The following MYRIP variants were observed in gnomAD, a reference collection of about 807,000 sequenced individuals.
The protein encoded by MYRIP is rab effector MyRIP.
In MYRIP, 49 loss-of-function variants were observed where a neutral mutation model predicts 98.0. The ratio of observed to expected loss-of-function variants is 0.50; its 90% confidence interval spans 0.40 to 0.63. The LOEUF (loss-of-function observed/expected upper bound fraction) is 0.63. Ranked by LOEUF, MYRIP falls within the 30% of genes least tolerant of loss-of-function variation. The probability of loss-of-function intolerance (pLI) is 0.00; values close to 1 mark genes in which losing one functional copy is unlikely to be tolerated. For synonymous variants in MYRIP, 404 were observed against 409.5 expected (o/e 0.99, Z 0.16); for missense variants, 1,004 against 1,058.2 (o/e 0.95, Z 0.71).
chr3:39,881,456 A>G (rs1943153438), intron 1 of MYRIP, among the ~76,000 whole-genome samples: 1 of 152,154 alleles, frequency 6.6e-6, no homozygotes, highest in South Asian at 2.1e-4. Context: ...TTTCATTTAA[A>G]CGTATCAGTT....
Position 40,053,395 on chromosome 3 carries a change from A to G in MYRIP, c.332+9124A>G, listed in dbSNP as rs918656931. ...GTGACCCTAAGTGACCATGAGGTGGATAGGAATTCTTTAAAATTTAAATTG... is the reference window on the plus strand; with the variant it reads ...GTGACCCTAAGTGACCATGAGGTGGGTAGGAATTCTTTAAAATTTAAATTG... On this transcript the variant is annotated intron_variant, in intron 3 of 16. Transcript: ENST00000302541. Among the ~76,000 whole-genome samples, 23 of 152,342 alleles carry G rather than the reference A, an allele frequency of 1.5e-4. 1 individual carries two copies. The highest frequency in any genetic ancestry group is 1.3e-3 in the Admixed American group (20 of 15,298).
intron 3 of MYRIP, among the ~76,000 whole-genome samples, chr3:40,050,317 C>T (rs368078714): frequency 7.9e-5 from 12 of 152,250 alleles, no homozygotes; most frequent in Middle Eastern, 3.4e-3. Context: ...TTTAGCACTC[C>T]AAATATCCTA....
intron 3 of MYRIP, among the ~76,000 whole-genome samples, chr3:40,106,231 C>A (rs1949047605): frequency 6.6e-6 from 1 of 152,036 alleles, no homozygotes; most frequent in Non-Finnish European, 1.5e-5. Context: ...CTCAGGCCCC[C>A]GAGACCAGTC....
chr3:40,252,302 T>C (rs1398069966), intron 16 of MYRIP, among the ~76,000 whole-genome samples: 2 of 152,204 alleles, frequency 1.3e-5, no homozygotes, highest in Non-Finnish European at 2.9e-5. Context: ...CGTAACATGG[T>C]AAGTGTACTG....
At chr3:40,067,299 G>C (rs866466736) in intron 3 of MYRIP, among the ~76,000 whole-genome samples, 1 of 152,206 alleles carries the variant, frequency 6.6e-6, no homozygotes, top group Non-Finnish European at 1.5e-5. Flanking sequence ...AGCAAAGGCT[G>C]TGTGCAGTTG....
intron 10 of MYRIP, among the ~76,000 whole-genome samples, chr3:40,192,313 TATATATATATATGTC>T (rs59684589): frequency 0.3 from 4,019 of 13,194 alleles, 439 homozygotes; most frequent in African/African-American, 0.32. Flanking sequence ...TTTCTTCATA[TATATATATATATGTC>T]ATATATATAT....
chr3:40,241,363 C>G (rs1231553269), intron 12 of MYRIP, among the ~76,000 whole-genome samples: 4 of 152,172 alleles, frequency 2.6e-5, no homozygotes, highest in Non-Finnish European at 5.9e-5. Context: ...ACCCTTACAG[C>G]ACTAAAGAGG....
At chr3:40,100,103 A>G in intron 3 of MYRIP, 1 of 985,442 alleles carries the variant, frequency 1.0e-6, no homozygotes, top group Non-Finnish European at 1.2e-6. Context: ...TACCTGGCTT[A>G]TCCTCTGTCT....
At chr3:39,897,826 CTTT>C (rs66846258) in intron 1 of MYRIP, among the ~76,000 whole-genome samples, 66,058 of 133,838 alleles carry the variant, frequency 0.49, 15,840 homozygotes, top group African/African-American at 0.66. Context: ...AAGTCCTGAT[CTTT>C]TTTTTTTTTT....
At chr3:39,953,494 T>C (rs1945077887) in intron 2 of MYRIP, among the ~76,000 whole-genome samples, 1 of 152,196 alleles carries the variant, frequency 6.6e-6, no homozygotes, top group Admixed American at 6.5e-5. Context: ...CAATTTTTCT[T>C]CCGTTGCTAT....
At chr3:39,948,981 A>C (rs544424183) in intron 2 of MYRIP, among the ~76,000 whole-genome samples, 15 of 152,184 alleles carry the variant, frequency 9.9e-5, no homozygotes, top group Non-Finnish European at 2.1e-4. Context: ...ATAATACCTT[A>C]CATGTGCTGA....
At chr3:39,877,583 C>T (rs568680346) in intron 1 of MYRIP, among the ~76,000 whole-genome samples, 1 of 152,310 alleles carries the variant, frequency 6.6e-6, no homozygotes, top group East Asian at 1.9e-4. Context: ...AGCTGCAGGT[C>T]TGTTGGAGTT....
Position 39,893,674 on chromosome 3 carries a change from TCACACACA to T in MYRIP, c.-30-7087_-30-7080del, listed in dbSNP as rs66667492. 9.3e-3 allele frequency among the ~76,000 whole-genome samples: 1,369 copies of T among 147,140 alleles called. 12 individuals carry two copies. Among genetic ancestry groups the T allele is most frequent in the East Asian group, 0.029 (147 of 5,022 alleles). On this transcript the variant is annotated intron_variant, in intron 1 of 16. Coordinates refer to ENST00000302541, the MANE Select transcript of MYRIP (RefSeq NM_015460.4). ...ATTAGTTAATTATTTTAAGTGGAAA[TCACACACA>T]CACACACACACACACACACACACAC...
At position 40,118,316 on chromosome 3, in the gene MYRIP, T is replaced by A. The variant is rs528647838; in HGVS notation, c.333-32732T>A. 3.9e-5 allele frequency among the ~76,000 whole-genome samples: 6 copies of A among 152,360 alleles called. 1 individual carries two copies. The highest frequency in any genetic ancestry group is 1.4e-4 in the African/African-American group (6 of 41,596). On this transcript the variant is annotated intron_variant, in intron 3 of 16. Transcript: ENST00000302541. ...CAATATCTGTGAAATTCCTGCTGCA[T>A]GTATCTTTCAACCTTGCTATTTCAT...
chr3:40,230,704 A>C (rs1952626713), intron 11 of MYRIP, among the ~76,000 whole-genome samples: 1 of 152,224 alleles, frequency 6.6e-6, no homozygotes. Context: ...GATTCCCTAC[A>C]GGTGGGAAAT....
At chr3:40,046,561 G>A (rs1374464354) in intron 3 of MYRIP, among the ~76,000 whole-genome samples, 1 of 146,560 alleles carries the variant, frequency 6.8e-6, no homozygotes, top group Non-Finnish European at 1.5e-5. Flanking sequence ...GAAAAGGAGG[G>A]CATCCTAGAT....
At chr3:40,190,588 G>T (rs1951180641) in intron 10 of MYRIP, 125 bp downstream of exon 10, 1 of 1,438,848 alleles carries the variant, frequency 7.0e-7, no homozygotes, top group Non-Finnish European at 9.2e-7. Flanking sequence ...TCTTGGTTTT[G>T]CAGCTAAGTA....
At chr3:40,222,481 C>A (rs907796082) in intron 11 of MYRIP, among the ~76,000 whole-genome samples, 1 of 152,112 alleles carries the variant, frequency 6.6e-6, no homozygotes, top group Non-Finnish European at 1.5e-5. Flanking sequence ...TCCTACCTCA[C>A]AATTAAGTGG....
Position 40,151,163 on chromosome 3 carries a change from G to A in MYRIP, c.448G>A (p.Gly150Ser). Residue 150 changes from glycine to serine, a missense_variant, in exon 4 of 17, where the codon GGC becomes AGC. By Grantham distance (56) the Gly-to-Ser change is moderately conservative (BLOSUM62 0). Transcript: ENST00000302541. The part of the protein sequence containing the change: ...NLYRKHRLES[G>S]ACFDILGGSL... Reference sequence around the variant, plus strand: ...GTACAGGAAGCACCGGCTGGAGAGTGGCGCGTGCTTCGACATTCTAGGTAC... The same window carrying A: ...GTACAGGAAGCACCGGCTGGAGAGTAGCGCGTGCTTCGACATTCTAGGTAC... 6.2e-7 allele frequency: 1 copy of A among 1,607,786 alleles called. No individual in the cohort carries two copies. Among genetic ancestry groups the A allele is most frequent in the Non-Finnish European group, 8.5e-7 (1 of 1,176,904 alleles).
Sources: allele counts gnomAD v4.1 joint callset (sites outside exome capture counted in the v4.1 genomes callset), GRCh38; gene constraint gnomAD v4.1.1; transcripts MANE v1.5; gene names NCBI Gene and HGNC (gene_info 2026-07-23, HGNC 2026-07-21).